Variants in SH3PXD2A observed in about 807,000 individuals in gnomAD.
SH3PXD2A encodes the protein SH3 and PX domain-containing protein 2A.
Under a neutral mutation model 115.2 loss-of-function variants are expected in SH3PXD2A, and 32 were observed. The ratio of observed to expected loss-of-function variants is 0.28; its 90% CI spans 0.21 to 0.37. SH3PXD2A has a LOEUF of 0.37. SH3PXD2A is among the 10% of genes least tolerant of loss of function. The pLI, the probability that SH3PXD2A is intolerant of heterozygous loss-of-function variation, is 1.00. For synonymous variants in SH3PXD2A, 610 were observed against 629.1 expected, an observed-to-expected ratio of 0.97 and a Z score of 0.45; for missense variants, 1,328 against 1,498.7, an observed-to-expected ratio of 0.89 and a Z score of 1.88.
At chr10:103,714,210 G>A (rs2038078933) in intron 5 of SH3PXD2A, among the ~76,000 whole-genome samples, 2 of 152,212 alleles carry the variant, frequency 1.3e-5, no homozygotes, top group South Asian at 2.1e-4. Flanking sequence ...CCTTCCGCCA[G>A]AGGCTCCAAA....
intron 2 of SH3PXD2A, among the ~76,000 whole-genome samples, chr10:103,777,368 C>T (rs1213024037): frequency 2.6e-5 from 4 of 152,236 alleles, no homozygotes; most frequent in Admixed American, 1.3e-4. Context: ...GTCTGGGAGG[C>T]GTCTTGGCCT....
intron 7 of SH3PXD2A, among the ~76,000 whole-genome samples, chr10:103,664,079 A>AG (rs1465025237): frequency 6.6e-6 from 1 of 152,124 alleles, no homozygotes; most frequent in East Asian, 1.9e-4. Context: ...ACTACCTCCC[A>AG]CTGTGCCCCT....
intron 3 of SH3PXD2A, among the ~76,000 whole-genome samples, chr10:103,763,118 C>CA (rs1017254428): frequency 6.6e-5 from 10 of 152,112 alleles, no homozygotes; most frequent in African/African-American, 2.4e-4. Flanking sequence ...ACTTACGGCC[C>CA]ATGTGTGAGA....
At chr10:103,788,216 A>AATGGG (rs1480863893) in intron 2 of SH3PXD2A, among the ~76,000 whole-genome samples, 1 of 152,144 alleles carries the variant, frequency 6.6e-6, no homozygotes, top group Non-Finnish European at 1.5e-5. Context: ...CACATCCCAC[A>AATGGG]ACAGCTCTAT....
At chr10:103,700,688 G>A (rs2037882420) in intron 5 of SH3PXD2A, among the ~76,000 whole-genome samples, 1 of 152,212 alleles carries the variant, frequency 6.6e-6, no homozygotes, top group African/African-American at 2.4e-5. Context: ...GCAGGGGATT[G>A]CCAGTTCAGC....
intron 2 of SH3PXD2A, among the ~76,000 whole-genome samples, chr10:103,768,682 A>C (rs779545977): frequency 2.1e-4 from 32 of 152,226 alleles, no homozygotes; most frequent in Non-Finnish European, 3.7e-4. Flanking sequence ...CAGGGAGACC[A>C]GTTAGGATCC....
At chr10:103,645,788 C>G (rs2037026964) in intron 8 of SH3PXD2A, among the ~76,000 whole-genome samples, 1 of 152,196 alleles carries the variant, frequency 6.6e-6, no homozygotes, top group Non-Finnish European at 1.5e-5. Context: ...CTGGGTGCAA[C>G]TCAGGGCACT....
At chr10:103,641,162 A>T (rs1245811047) in intron 8 of SH3PXD2A, among the ~76,000 whole-genome samples, 2 of 152,238 alleles carry the variant, frequency 1.3e-5, no homozygotes, top group Non-Finnish European at 2.9e-5. Context: ...AAATGGAGAG[A>T]CAAAAGGACA....
intron 1 of SH3PXD2A, among the ~76,000 whole-genome samples, chr10:103,838,771 C>G: frequency 6.6e-6 from 1 of 152,242 alleles, no homozygotes; most frequent in Non-Finnish European, 1.5e-5. Flanking sequence ...GCATCTGGCA[C>G]TGTGGCCCAA....
intron 2 of SH3PXD2A, among the ~76,000 whole-genome samples, chr10:103,783,535 T>C (rs1471924226): frequency 6.6e-6 from 1 of 152,040 alleles, no homozygotes; most frequent in Non-Finnish European, 1.5e-5. Context: ...AGGTGTGGGG[T>C]GGTCCCAACC....
chr10:103,659,891 C>T (rs749971333), intron 8 of SH3PXD2A, among the ~76,000 whole-genome samples: 7 of 152,296 alleles, frequency 4.6e-5, no homozygotes, highest in Non-Finnish European at 8.8e-5. Flanking sequence ...CTCCTGGCCA[C>T]CAGGAGGCAC....
chr10:103,611,142 C>T (rs957795930), intron 13 of SH3PXD2A, among the ~76,000 whole-genome samples: 2 of 152,216 alleles, frequency 1.3e-5, no homozygotes, highest in South Asian at 2.1e-4. Context: ...CCCTGGAAGA[C>T]GTTCACTGAT....
chr10:103,737,687 G>A (rs1274177610), intron 3 of SH3PXD2A, among the ~76,000 whole-genome samples: 1 of 152,216 alleles, frequency 6.6e-6, no homozygotes, highest in Admixed American at 6.5e-5. Flanking sequence ...CTCTGAGGGC[G>A]TTAACTCCAG....
At chr10:103,668,405 G>A (rs1159413822) in intron 7 of SH3PXD2A, among the ~76,000 whole-genome samples, 3 of 152,250 alleles carry the variant, frequency 2.0e-5, no homozygotes, top group African/African-American at 7.2e-5. Flanking sequence ...GCTGAGCTAC[G>A]TGGTCATCAC....
intron 1 of SH3PXD2A, among the ~76,000 whole-genome samples, chr10:103,812,145 T>C (rs2039277232): frequency 6.6e-6 from 1 of 152,230 alleles, no homozygotes; most frequent in African/African-American, 2.4e-5. Flanking sequence ...CGGTTGGACC[T>C]TTGTACCTTC....
chr10:103,650,728 G>A (rs548626473), intron 8 of SH3PXD2A, among the ~76,000 whole-genome samples: 4 of 152,360 alleles, frequency 2.6e-5, no homozygotes, highest in South Asian at 2.1e-4. Flanking sequence ...GAAAGCTCAC[G>A]GTGCCCAGAG....
chr10:103,711,866 G>A lies in SH3PXD2A; in HGVS notation c.398+12404C>T, dbSNP rs1352430284. 2.0e-5 allele frequency among the ~76,000 whole-genome samples: 3 copies of A among 152,074 alleles called. No homozygotes were observed. In the East Asian group the frequency reaches 5.8e-4, roughly 29 times the overall value. On this transcript the variant is annotated intron_variant, in intron 5 of 14. Transcript: ENST00000369774. ...AGCCAAGAATTTGCGACTAGCAGGG[G>A]CAACAGAGCCAGACCCCGTCTCTAC...
chr10:103,786,710 G>A (rs1446676238), intron 2 of SH3PXD2A, among the ~76,000 whole-genome samples: 1 of 152,104 alleles, frequency 6.6e-6, no homozygotes, highest in Non-Finnish European at 1.5e-5. Context: ...GGGGGAGAGT[G>A]GTGGTGCCTA....
intron 5 of SH3PXD2A, among the ~76,000 whole-genome samples, chr10:103,698,264 C>A (rs1207080384): frequency 1.3e-5 from 2 of 152,226 alleles, no homozygotes; most frequent in African/African-American, 2.4e-5. Flanking sequence ...GTGCTGAGTA[C>A]CTGCCAGGTG....
Sources: allele counts gnomAD v4.1 joint callset (sites outside exome capture counted in the v4.1 genomes callset), GRCh38; gene constraint gnomAD v4.1.1; transcripts MANE v1.5; gene names NCBI Gene and HGNC (gene_info 2026-07-23, HGNC 2026-07-21).